The following TMEM176A variants were observed in gnomAD, a reference collection of about 807,000 sequenced individuals.
TMEM176A encodes the protein hepatocellular carcinoma-associated antigen 112.
TMEM176A carries 20 observed loss-of-function variants against 27.9 expected under a neutral mutation model. The ratio of observed to expected loss-of-function variants is 0.72; its 90% CI spans 0.50 to 1.04. The LOEUF is 1.04. TMEM176A is among the 50% of genes least tolerant of loss of function. TMEM176A has a pLI of 0.00. For missense variants in TMEM176A, 252 were observed against 289.1 expected (o/e 0.87, Z 0.93); for synonymous variants, 125 against 118.0 (o/e 1.06, Z -0.38).
intron 1 of TMEM176A, 92 bp from the exon 2 acceptor site, chr7:150,801,444 G>C (rs1342529694): frequency 7.4e-7 from 1 of 1,343,022 alleles, no homozygotes; most frequent in East Asian, 2.4e-5. Flanking sequence ...GGGTGACTTT[G>C]AGCCACCACT....
chr7:150,802,606 C>G, intron 3 of TMEM176A: 1 of 862,328 alleles, frequency 1.2e-6, no homozygotes, highest in South Asian at 2.9e-5. Flanking sequence ...ATCTAAGGAC[C>G]TGCTCATCTC....
At chr7:150,803,268 T>C (rs741068) in intron 3 of TMEM176A, 132 bp from the exon 4 acceptor site, 931,067 of 1,396,402 alleles carry the variant, frequency 0.67, 311,805 homozygotes, top group East Asian at 0.78. Flanking sequence ...TATCTTACCA[T>C]GGATAATAAA....
chr7:150,801,096 G>T (rs922639159), intron 1 of TMEM176A: 6 of 629,902 alleles, frequency 9.5e-6, no homozygotes, highest in Non-Finnish European at 1.2e-5. Flanking sequence ...GGGGATGGGG[G>T]TATCCGGAGC....
Position 150,802,402 on chromosome 7 carries a change from T to A in TMEM176A, c.285+77T>A. 3 of 1,286,090 alleles carry A rather than the reference T, an allele frequency of 2.3e-6. No individual in the cohort carries two copies. The South Asian group carries it at 3.7e-5, about 16-fold the overall frequency. The allele number at this position is 1,286,090 out of a possible 1,614,324, so 79.7% of individuals were successfully genotyped here. A position where few individuals can be genotyped will look rare whatever the true frequency, so the allele number is the denominator to read the frequency against. ...CTCTCCTGATTGCCTTCCTCCAACATGGCGCCACAGAATGCTGGCAGTCGG... is the reference window on the plus strand; with the variant it reads ...CTCTCCTGATTGCCTTCCTCCAACAAGGCGCCACAGAATGCTGGCAGTCGG... On this transcript the variant is annotated intron_variant, in intron 3 of 6. Transcript: ENST00000004103.
chr7:150,803,394 C>T lies in TMEM176A; in HGVS notation c.286-6C>T, dbSNP rs572248661. On this transcript the variant is annotated splice_region_variant and splice_polypyrimidine_tract_variant and intron_variant, in intron 3 of 6. Transcript: ENST00000004103. ...TAAGCCTGCTCCTGGCTCAATCTCTCCCCAGGCTGTGCTGGCTGGAGCTGC... is the reference window on the plus strand; with the variant it reads ...TAAGCCTGCTCCTGGCTCAATCTCTTCCCAGGCTGTGCTGGCTGGAGCTGC... 1 of 1,573,546 alleles carries T rather than the reference C, an allele frequency of 6.4e-7. No homozygotes were observed. The highest frequency in any genetic ancestry group is 1.9e-5 in the Admixed American group (1 of 53,268).
chr7:150,801,494 T>TCTTCTGACAGC (rs1798784392), intron 1 of TMEM176A, 42 bp from the exon 2 acceptor site: 1 of 1,530,552 alleles, frequency 6.5e-7, no homozygotes, highest in Non-Finnish European at 8.8e-7. Context: ...TCTGCGAAAA[T>TCTTCTGACAGC]CTTCTGACAG....
chr7:150,805,112 G>A lies in TMEM176A; in HGVS notation c.*244G>A. ...TGTGATAATAAACTCTCATGTTATT[G>A]TTCCCAGGTTCTCGCTTAGTTATTC... is the stretch of plus-strand genomic sequence containing the variant. On this transcript the variant is annotated 3_prime_UTR_variant, in exon 7 of 7. Transcript: ENST00000004103. 4.0e-6 allele frequency: 2 copies of A among 504,000 alleles called. No individual in the cohort carries two copies. Among genetic ancestry groups the A allele is most frequent in the Non-Finnish European group, 3.5e-6 (1 of 285,928 alleles). The allele number at this position is 504,000 out of a possible 1,614,324, so 31.2% of individuals were successfully genotyped here. A position where few individuals can be genotyped will look rare whatever the true frequency, so the allele number is the denominator to read the frequency against.
Position 150,803,113 on chromosome 7 carries a change from A to G in TMEM176A, c.286-287A>G, listed in dbSNP as rs886445186. On this transcript the variant is annotated intron_variant, in intron 3 of 6. Coordinates refer to ENST00000004103, the MANE Select transcript of TMEM176A (RefSeq NM_018487.3). ...GGATCCCACCATCCCTAGAACTTTCATAAAGCACTTGGTGTTGTTTAAAAA... is the reference window on the plus strand; with the variant it reads ...GGATCCCACCATCCCTAGAACTTTCGTAAAGCACTTGGTGTTGTTTAAAAA... 19 of 1,116,162 alleles carry G rather than the reference A, an allele frequency of 1.7e-5. No individual in the cohort carries two copies. In the East Asian group the frequency reaches 1.0e-3, roughly 59 times the overall value. The allele number at this position is 1,116,162 out of a possible 1,614,324, so 69.1% of individuals were successfully genotyped here.
chr7:150,804,096 T>C lies in TMEM176A; in HGVS notation c.555+264T>C, dbSNP rs574389104. On this transcript the variant is annotated intron_variant, in intron 5 of 6. Coordinates refer to ENST00000004103, the MANE Select transcript of TMEM176A (RefSeq NM_018487.3). Reference sequence around the variant, plus strand: ...AAGTGCTGCAAAGGTGTTAAATGCATGTTTTCCCTTGATCCTCTGAAGTCT... The same window carrying C: ...AAGTGCTGCAAAGGTGTTAAATGCACGTTTTCCCTTGATCCTCTGAAGTCT... Among the ~76,000 whole-genome samples the C allele has an allele frequency of 1.6e-4, 24 of 152,290 alleles. 1 individual carries two copies. In the South Asian group the frequency reaches 3.7e-3, roughly 24 times the overall value.
At chr7:150,801,993 G>A (rs1415265823) in intron 2 of TMEM176A, 8 of 612,726 alleles carry the variant, frequency 1.3e-5, no homozygotes, top group African/African-American at 1.9e-5. Context: ...AGGATGGGCC[G>A]GCTCTCCTCT....
At chr7:150,802,018 C>G (rs1798811171) in intron 2 of TMEM176A, 197 bp from the exon 3 acceptor site, 1 of 615,348 alleles carries the variant, frequency 1.6e-6, no homozygotes, top group South Asian at 2.0e-5. Context: ...CCTTTCCCTT[C>G]TCTTTTCTCC....
At position 150,803,781 on chromosome 7, in the gene TMEM176A, A is replaced by G; in HGVS notation, c.504A>G (p.Pro168=). 1 of 1,614,176 alleles carries G rather than the reference A, an allele frequency of 6.2e-7. No homozygotes were observed. The highest frequency in any genetic ancestry group is 8.5e-7 in the Non-Finnish European group (1 of 1,180,034). Reference sequence around the variant, plus strand: ...ACACTCCAGCCCCCACTCAGAGTCCAGAAGAAGTCAGAAGGCTACACCTAT... The same window carrying G: ...ACACTCCAGCCCCCACTCAGAGTCCGGAAGAAGTCAGAAGGCTACACCTAT... ...DWNTPAPTQS[P]EEVRRLHLCT... is the part of the protein sequence containing the mutation. The change falls in exon 5 of 7, where the codon CCA becomes CCG. Residue 168 remains proline (P), a synonymous_variant. Coordinates refer to ENST00000004103, the MANE Select transcript of TMEM176A (RefSeq NM_018487.3).
chr7:150,801,667 G>A lies in TMEM176A; in HGVS notation c.117G>A (p.Ala39=), dbSNP rs749503130. 22 of 1,610,512 alleles carry A rather than the reference G, an allele frequency of 1.4e-5. No homozygotes were observed. Among genetic ancestry groups the A allele is most frequent in the Non-Finnish European group, 1.6e-5 (19 of 1,179,058 alleles). ...LAKLLLTCCS[A]LRPRATQARG... is the part of the protein sequence containing the mutation. ...AGCTCCTGCTCACCTGCTGCTCTGCGCTGCGGCCCCGGGCCACCCAGGCCA... is the reference window on the plus strand; with the variant it reads ...AGCTCCTGCTCACCTGCTGCTCTGCACTGCGGCCCCGGGCCACCCAGGCCA... The change falls in exon 2 of 7, where the codon GCG becomes GCA. Residue 39 remains alanine, a synonymous_variant. Transcript: ENST00000004103.
intron 2 of TMEM176A, 57 bp from the exon 3 acceptor site, chr7:150,802,158 A>G (rs1798819165): frequency 7.0e-7 from 1 of 1,428,034 alleles, no homozygotes; most frequent in African/African-American, 1.4e-5. Flanking sequence ...TTAGCGGTTA[A>G]TCCCTGCAGT....
rs1798892876 is a variant in TMEM176A at position 150,804,997 on chromosome 7, C to T, written c.*129C>T. The T allele has an allele frequency of 4.2e-6, 4 of 962,242 alleles. No homozygotes were observed. The Admixed American group carries it at 5.4e-5, about 13-fold the overall frequency. The allele number at this position is 962,242 out of a possible 1,614,324, so 59.6% of individuals were successfully genotyped here. ...GCCCCAGTTATCCTGGCCCCATGAC[C>T]GTGGCCACAGCCCTGCTCCAGCAGC... On this transcript the variant is annotated 3_prime_UTR_variant, in exon 7 of 7. Transcript: ENST00000004103.
intron 3 of TMEM176A, 80 bp downstream of exon 3, chr7:150,802,405 C>A (rs1253466248): frequency 2.4e-6 from 3 of 1,257,450 alleles, no homozygotes; most frequent in Admixed American, 3.7e-5. Context: ...TCCAACATGG[C>A]GCCACAGAAT....
chr7:150,805,040 A>C lies in TMEM176A; in HGVS notation c.*172A>C. 1 of 658,822 alleles carries C rather than the reference A, an allele frequency of 1.5e-6. No homozygotes were observed. Among genetic ancestry groups the C allele is most frequent in the Non-Finnish European group, 2.7e-6 (1 of 370,306 alleles). 40.8% of individuals were successfully genotyped at this position (658,822 alleles called of 1,614,324 possible). On this transcript the variant is annotated 3_prime_UTR_variant, in exon 7 of 7. Transcript: ENST00000004103. The stretch of plus-strand genomic sequence containing the variant: ...CCAGCAGCACTTGCCCATTCCTTAC[A>C]CCCCTTCCCCATCCTGCTCCGCTTC...
In TMEM176A at chr7:150,804,926, G is replaced by C; in HGVS notation, c.*58G>C. ...TTCTGCACCGGGCGTCCCTGCATCT[G>C]ACTGCTGGAAGAAGAACCAGACTGA... is the stretch of plus-strand genomic sequence containing the variant. On this transcript the variant is annotated 3_prime_UTR_variant, in exon 7 of 7. Transcript: ENST00000004103. 1 of 1,576,948 alleles carries C rather than the reference G, an allele frequency of 6.3e-7. No homozygotes were observed. Among genetic ancestry groups the C allele is most frequent in the South Asian group, 1.1e-5 (1 of 90,336 alleles).
chr7:150,801,665 GCGCTGCGGCCCCGGGC>G lies in TMEM176A; in HGVS notation c.117_132del (p.Leu40ProfsTer15), dbSNP rs1798792881. 6.2e-7 allele frequency: 1 copy of G among 1,611,178 alleles called. No individual in the cohort carries two copies. On this transcript the variant is annotated frameshift_variant, in exon 2 of 7. Coordinates refer to ENST00000004103, the MANE Select transcript of TMEM176A (RefSeq NM_018487.3). LOFTEE classifies it high-confidence loss of function. ...CAAGCTCCTGCTCACCTGCTGCTCT[GCGCTGCGGCCCCGGGC>G]CACCCAGGCCAGGGGCAGCAGCCGG...
Sources: allele counts gnomAD v4.1 joint callset (sites outside exome capture counted in the v4.1 genomes callset), GRCh38; gene constraint gnomAD v4.1.1; transcripts MANE v1.5; gene names NCBI Gene and HGNC (gene_info 2026-07-23, HGNC 2026-07-21).